Variants in GALNT13 observed in about 807,000 individuals in gnomAD.
GALNT13 encodes the protein UDP-GalNAc:polypeptide N-acetylgalactosaminyltransferase 13.
GALNT13 carries 28 observed loss-of-function variants against 64.2 expected under a neutral mutation model. The ratio of observed to expected loss-of-function variants is 0.44; its 90% CI spans 0.32 to 0.60. The LOEUF (loss-of-function observed/expected upper bound fraction) is 0.60, where lower values mean the gene tolerates loss of function less well. Ranked by LOEUF, GALNT13 falls within the 20% of genes least tolerant of loss-of-function variation. The probability of loss-of-function intolerance (pLI) is 0.05; values close to 1 mark genes in which losing one functional copy is unlikely to be tolerated. For synonymous variants in GALNT13, 214 were observed against 224.6 expected (o/e 0.95, Z 0.42); for missense variants, 577 against 669.8 (o/e 0.86, Z 1.53).
chr2:153,130,639 G>T, the GALNT13 span, among the ~76,000 whole-genome samples: 13 of 152,170 alleles, frequency 8.5e-5, no homozygotes, highest in African/African-American at 2.9e-4. Flanking sequence ...CAGTCTTTGC[G>T]CTGGCTGATG....
intron 3 of GALNT13, among the ~76,000 whole-genome samples, chr2:154,107,767 G>A (rs905450165): frequency 2.6e-5 from 4 of 151,388 alleles, no homozygotes; most frequent in African/African-American, 9.7e-5. Context: ...TTCCCTCCAC[G>A]CTCCAATTTT....
At chr2:153,803,548 C>CGG in the GALNT13 span, among the ~76,000 whole-genome samples, 1 of 151,880 alleles carries the variant, frequency 6.6e-6, no homozygotes, top group African/African-American at 2.4e-5. Flanking sequence ...AAAAGTTAGC[C>CGG]GGGCGCTGTG....
At chr2:153,193,569 A>C in the GALNT13 span, among the ~76,000 whole-genome samples, 1 of 152,160 alleles carries the variant, frequency 6.6e-6, no homozygotes, top group Non-Finnish European at 1.5e-5. Flanking sequence ...CACAATGTGC[A>C]CATGTACCCT....
At chr2:154,404,306 G>A (rs1699429740) in intron 10 of GALNT13, among the ~76,000 whole-genome samples, 2 of 152,162 alleles carry the variant, frequency 1.3e-5, no homozygotes, top group South Asian at 4.1e-4. Flanking sequence ...AAAATTGGTG[G>A]CAGCAATGAC....
intron 3 of GALNT13, among the ~76,000 whole-genome samples, chr2:153,994,709 T>C (rs897583929): frequency 2.0e-5 from 3 of 152,198 alleles, no homozygotes; most frequent in African/African-American, 7.2e-5. Context: ...GCTGCATAAA[T>C]GTCTTCTTTT....
At chr2:153,190,943 A>T in the GALNT13 span, among the ~76,000 whole-genome samples, 1 of 152,004 alleles carries the variant, frequency 6.6e-6, no homozygotes, top group Non-Finnish European at 1.5e-5. Context: ...AACTTTGCTG[A>T]ACTTGTTTAT....
chr2:153,964,609 A>T (rs932463732), intron 3 of GALNT13, among the ~76,000 whole-genome samples: 3 of 152,132 alleles, frequency 2.0e-5, no homozygotes, highest in African/African-American at 4.8e-5. Flanking sequence ...TAACTTGAAA[A>T]GTATGTAATT....
chr2:153,797,736 G>A, the GALNT13 span, among the ~76,000 whole-genome samples: 22 of 152,288 alleles, frequency 1.4e-4, no homozygotes, highest in East Asian at 4.3e-3. Flanking sequence ...TTGAAGTAAA[G>A]ATAAAATTAT....
chr2:153,890,717 C>T lies in GALNT13; in HGVS notation c.-176-10219C>T, dbSNP rs574829026. On this transcript the variant is annotated intron_variant, in intron 1 of 12. Transcript: ENST00000392825. ...AAGGAAAGGAGCTTGTATCCCCAGA[C>T]TCATGCTGTGTGGTGGCTGGTTTGT... Among the ~76,000 whole-genome samples, 4 of 152,210 alleles carry T rather than the reference C, an allele frequency of 2.6e-5. No individual in the cohort carries two copies. The South Asian group carries it at 8.3e-4, about 32-fold the overall frequency.
intron 8 of GALNT13, among the ~76,000 whole-genome samples, chr2:154,273,141 T>C (rs566338208): frequency 1.8e-4 from 27 of 152,124 alleles, no homozygotes; most frequent in Non-Finnish European, 4.0e-4. Flanking sequence ...TAATTTCAGA[T>C]AAAGTCAAGT....
At chr2:153,190,601 T>C in the GALNT13 span, among the ~76,000 whole-genome samples, 1 of 152,152 alleles carries the variant, frequency 6.6e-6, no homozygotes, top group African/African-American at 2.4e-5. Flanking sequence ...TAGGATTTTC[T>C]TATTTCTGTG....
At chr2:153,643,527 A>G in the GALNT13 span, among the ~76,000 whole-genome samples, 8 of 151,968 alleles carry the variant, frequency 5.3e-5, no homozygotes, top group East Asian at 1.9e-4. Context: ...CACCAGATTC[A>G]TATTCTACCA....
chr2:154,211,314 A>T (rs1193201232), intron 4 of GALNT13, among the ~76,000 whole-genome samples: 1 of 151,754 alleles, frequency 6.6e-6, no homozygotes, highest in Non-Finnish European at 1.5e-5. Context: ...TGTGTATCTA[A>T]ACATATCTAC....
chr2:153,350,899 ACT>A, the GALNT13 span, among the ~76,000 whole-genome samples: 1 of 151,840 alleles, frequency 6.6e-6, no homozygotes, highest in African/African-American at 2.4e-5. Flanking sequence ...ACGAGAAAAA[ACT>A]CTGATTTAAT....
chr2:153,435,608 A>C, the GALNT13 span, among the ~76,000 whole-genome samples: 1 of 151,880 alleles, frequency 6.6e-6, no homozygotes, highest in Admixed American at 6.6e-5. Context: ...ATGGGATTTC[A>C]CTCATGATTT....
At chr2:153,697,753 T>C in the GALNT13 span, among the ~76,000 whole-genome samples, 1 of 152,176 alleles carries the variant, frequency 6.6e-6, no homozygotes, top group Admixed American at 6.5e-5. Context: ...ATGCTGGCTT[T>C]CAATCTGAAT....
At chr2:153,102,530 A>G in the GALNT13 span, among the ~76,000 whole-genome samples, 1 of 152,208 alleles carries the variant, frequency 6.6e-6, no homozygotes. Flanking sequence ...AATCACCATT[A>G]CAAAGAACAT....
intron 11 of GALNT13, among the ~76,000 whole-genome samples, chr2:154,414,867 A>G (rs1324291918): frequency 1.3e-5 from 2 of 152,012 alleles, no homozygotes; most frequent in South Asian, 4.1e-4. Context: ...TTTTGTGTAG[A>G]AATGCCATTC....
At chr2:153,533,132 T>C in the GALNT13 span, among the ~76,000 whole-genome samples, 1 of 152,218 alleles carries the variant, frequency 6.6e-6, no homozygotes, top group Non-Finnish European at 1.5e-5. Context: ...TTTTTTCCTT[T>C]AGCCTTCTTT....
Sources: allele counts gnomAD v4.1 joint callset (sites outside exome capture counted in the v4.1 genomes callset), GRCh38; gene constraint gnomAD v4.1.1; transcripts MANE v1.5; gene names NCBI Gene and HGNC (gene_info 2026-07-23, HGNC 2026-07-21).